Variants in SUMF1 observed in about 807,000 individuals in gnomAD.
SUMF1 encodes the protein formylglycine-generating enzyme.
A neutral mutation model predicts 47.6 loss-of-function variants in SUMF1; 48 were observed. That is an observed-to-expected ratio of 1.01 (90% CI 0.80 to 1.28). SUMF1 has a LOEUF of 1.28. SUMF1 is among the 50% of genes most tolerant of loss of function. The pLI, the probability that SUMF1 is intolerant of heterozygous loss-of-function variation, is 0.00. For synonymous variants in SUMF1, 230 were observed against 192.1 expected (o/e 1.20, Z -1.63); for missense variants, 571 against 485.4 (o/e 1.18, Z -1.66).
chr3:4,155,036 A>G (rs1443648117), intron 8 of SUMF1, among the ~76,000 whole-genome samples: 2 of 151,472 alleles, frequency 1.3e-5, no homozygotes, highest in Non-Finnish European at 2.9e-5. Context: ...GCAATTTGAA[A>G]GGAACATAGG....
At chr3:4,407,415 G>C (rs1477004071) in intron 7 of SUMF1, among the ~76,000 whole-genome samples, 1 of 152,178 alleles carries the variant, frequency 6.6e-6, no homozygotes, top group Non-Finnish European at 1.5e-5. Context: ...GAAGAGGTCA[G>C]TTCCTGAATT....
intron 8 of SUMF1, among the ~76,000 whole-genome samples, chr3:4,344,652 C>G (rs1190671390): frequency 6.6e-6 from 1 of 152,112 alleles, no homozygotes; most frequent in Non-Finnish European, 1.5e-5. Context: ...CAATGTCTCT[C>G]CATCAAGGGC....
At chr3:4,449,616 G>A (rs971132680) in intron 2 of SUMF1, among the ~76,000 whole-genome samples, 2 of 152,176 alleles carry the variant, frequency 1.3e-5, no homozygotes, top group South Asian at 4.1e-4. Flanking sequence ...TGTTCTTGAA[G>A]GAAATACATT....
rs559600219 is a variant in SUMF1 at position 4,211,638 on chromosome 3, T to C, written c.1015-142893A>G. On this transcript the variant is annotated intron_variant and NMD_transcript_variant, in intron 8 of 12. Transcript: ENST00000448413. ...TTCAACTTCATTTAAATTAAGATCT[T>C]CAATTCTCCAAAAGATGCCATTAGA... Among the ~76,000 whole-genome samples, 23 of 152,248 alleles carry C rather than the reference T, an allele frequency of 1.5e-4. No individual in the cohort carries two copies. In the East Asian group the frequency reaches 4.1e-3, roughly 27 times the overall value.
chr3:4,384,947 G>T (rs1367432573), intron 7 of SUMF1, among the ~76,000 whole-genome samples: 1 of 151,612 alleles, frequency 6.6e-6, no homozygotes, highest in Non-Finnish European at 1.5e-5. Context: ...GCGCAGTGGA[G>T]TAAGCTTGGG....
intron 8 of SUMF1, among the ~76,000 whole-genome samples, chr3:4,280,114 T>C (rs978672529): frequency 6.6e-6 from 1 of 152,174 alleles, no homozygotes; most frequent in African/African-American, 2.4e-5. Flanking sequence ...AAAGATGTTA[T>C]GTGAGGTAGT....
At chr3:4,086,631 TAC>T (rs1352236070) in intron 8 of SUMF1, among the ~76,000 whole-genome samples, 2 of 152,086 alleles carry the variant, frequency 1.3e-5, no homozygotes, top group African/African-American at 4.8e-5. Flanking sequence ...GTAAATGTCA[TAC>T]AGTTATAATG....
chr3:4,314,683 CAGA>C (rs1392142477), intron 8 of SUMF1, among the ~76,000 whole-genome samples: 1 of 152,164 alleles, frequency 6.6e-6, no homozygotes, highest in African/African-American at 2.4e-5. Flanking sequence ...GTCCACACCA[CAGA>C]AGGAGACGGG....
chr3:4,109,789 G>A (rs1693249025), intron 8 of SUMF1, among the ~76,000 whole-genome samples: 1 of 152,044 alleles, frequency 6.6e-6, no homozygotes, highest in Non-Finnish European at 1.5e-5. Context: ...GTCATTTAAG[G>A]ACTTCTCTGC....
intron 8 of SUMF1, among the ~76,000 whole-genome samples, chr3:4,180,429 C>T (rs1695068265): frequency 6.6e-6 from 1 of 151,786 alleles, no homozygotes; most frequent in Admixed American, 6.6e-5. Context: ...TCATTCTCAG[C>T]AAACCATCAC....
chr3:4,059,796 GAA>G (rs35902458), intron 9 of SUMF1, among the ~76,000 whole-genome samples: 4 of 122,918 alleles, frequency 3.3e-5, no homozygotes, highest in East Asian at 2.7e-4. Flanking sequence ...TGTCCCTGTG[GAA>G]AAAAAAAAAA....
At chr3:4,300,888 C>A (rs1456272223) in intron 8 of SUMF1, among the ~76,000 whole-genome samples, 1 of 152,124 alleles carries the variant, frequency 6.6e-6, no homozygotes, top group Non-Finnish European at 1.5e-5. Context: ...GACACACACA[C>A]ACACACACTC....
intron 8 of SUMF1, among the ~76,000 whole-genome samples, chr3:4,373,203 GACAA>G (rs3075698): frequency 0.66 from 99,671 of 151,518 alleles, 34,750 homozygotes; most frequent in East Asian, 0.78. Flanking sequence ...TCGAAAAGAA[GACAA>G]ACAGAGAACA....
intron 8 of SUMF1, among the ~76,000 whole-genome samples, chr3:4,109,887 G>A (rs141314758): frequency 0.012 from 1,829 of 152,078 alleles, 27 homozygotes; most frequent in Non-Finnish European, 0.019. Flanking sequence ...CCTTTAGCTC[G>A]GAGTAGTTTG....
chr3:4,246,982 G>A lies in SUMF1; in HGVS notation c.1014+129348C>T, dbSNP rs921757995. 4.6e-5 allele frequency among the ~76,000 whole-genome samples: 7 copies of A among 152,214 alleles called. No individual in the cohort carries two copies. The East Asian group carries it at 5.8e-4, about 13-fold the overall frequency. On this transcript the variant is annotated intron_variant and NMD_transcript_variant, in intron 8 of 12. Transcript: ENST00000448413. ...GGGCTCATGAGTGCCTAGAAACTAC[G>A]CAGCTTTAAGTATATATCCTGTACA...
At chr3:4,107,760 A>G (rs1693192109) in intron 8 of SUMF1, among the ~76,000 whole-genome samples, 1 of 152,106 alleles carries the variant, frequency 6.6e-6, no homozygotes, top group Middle Eastern at 3.2e-3. Context: ...TGAGGCTGCA[A>G]TGAGCTATGA....
chr3:4,378,719 GT>G (rs982320380), intron 7 of SUMF1, among the ~76,000 whole-genome samples: 2 of 152,250 alleles, frequency 1.3e-5, no homozygotes, highest in African/African-American at 4.8e-5. Context: ...ACTCTCCCAT[GT>G]AATGGCCACA....
intron 7 of SUMF1, among the ~76,000 whole-genome samples, chr3:4,398,129 C>T (rs969625890): frequency 6.6e-5 from 10 of 152,250 alleles, no homozygotes; most frequent in African/African-American, 1.7e-4. Context: ...AACCATCATG[C>T]TATACTTCCT....
At chr3:4,189,277 T>C (rs2125140897) in intron 8 of SUMF1, among the ~76,000 whole-genome samples, 1 of 152,256 alleles carries the variant, frequency 6.6e-6, no homozygotes, top group Non-Finnish European at 1.5e-5. Flanking sequence ...ACCAGCAGAC[T>C]TCTGCATTTT....
Sources: allele counts gnomAD v4.1 joint callset (sites outside exome capture counted in the v4.1 genomes callset), GRCh38; gene constraint gnomAD v4.1.1; transcripts MANE v1.5; gene names NCBI Gene and HGNC (gene_info 2026-07-23, HGNC 2026-07-21).